SCAMP4: variants seen among roughly 807,000 people sequenced by gnomAD.
SCAMP4 encodes the protein secretory carrier membrane protein 4.
SCAMP4 carries 19 observed loss-of-function variants against 32.1 expected under a neutral mutation model. The observed-to-expected ratio is 0.59, with a 90% CI of 0.41 to 0.87. The LOEUF is 0.87. Among genes scored for constraint, SCAMP4 ranks in the 40% least tolerant of loss-of-function variants. The probability of loss-of-function intolerance (pLI) is 0.00; values close to 1 mark genes in which losing one functional copy is unlikely to be tolerated. For synonymous variants in SCAMP4, 152 were observed against 132.7 expected (o/e 1.15, Z -1.00); for missense variants, 302 against 309.0 (o/e 0.98, Z 0.17).
intron 1 of SCAMP4, chr19:1,912,286 C>A (rs753381924): frequency 1.9e-6 from 3 of 1,576,922 alleles, no homozygotes; most frequent in Admixed American, 3.6e-5. Context: ...AAGGAGGTGT[C>A]GGCCCTGCAC....
chr19:1,922,778 G>GC (rs1391793042), intron 5 of SCAMP4: 1 of 1,076,420 alleles, frequency 9.3e-7, no homozygotes, highest in Non-Finnish European at 1.1e-6. Flanking sequence ...TGCACGCACA[G>GC]CCCACTGCTG....
At position 1,918,896 on chromosome 19, in the gene SCAMP4, A is replaced by G. The variant is rs781150464; in HGVS notation, c.301A>G (p.Ser101Gly). The stretch of plus-strand genomic sequence containing the variant: ...TTTTCTGTCCCTCCCCAGAGCCGAC[A>G]GCTCCTTTAATTTCATGGCGTTTTT... ...RPVYKAFRADSSFNFMAFFFI... is the reference protein window; with the variant it reads ...RPVYKAFRADGSFNFMAFFFI... Residue 101 changes from serine (S) to glycine (G), a missense_variant, in exon 5 of 7, where the codon AGC (serine) becomes GGC (glycine). By Grantham distance (56) the Ser-to-Gly change is moderately conservative. Coordinates refer to ENST00000316097, the MANE Select transcript of SCAMP4 (RefSeq NM_079834.4). 7 of 1,608,040 alleles carry G rather than the reference A, an allele frequency of 4.4e-6. No individual in the cohort carries two copies. In the Admixed American group the frequency reaches 5.1e-5, roughly 12 times the overall value.
intron 1 of SCAMP4, chr19:1,912,817 A>G: frequency 6.3e-7 from 1 of 1,587,730 alleles, no homozygotes; most frequent in Non-Finnish European, 8.5e-7. Context: ...CGCGGCACCT[A>G]CGACTTCAGA....
intron 1 of SCAMP4, among the ~76,000 whole-genome samples, chr19:1,911,191 A>T (rs2013426238): frequency 6.9e-6 from 1 of 144,960 alleles, no homozygotes; most frequent in Non-Finnish European, 1.5e-5. Flanking sequence ...TTTTTTTTTG[A>T]GATGGCATCT....
intron 1 of SCAMP4, chr19:1,913,203 C>T (rs1187890246): frequency 3.4e-6 from 5 of 1,461,346 alleles, no homozygotes; most frequent in African/African-American, 1.4e-5. Context: ...TGGGGCGCCC[C>T]TCCTGGACTT....
At chr19:1,906,866 T>TTTGTGTGTGTGTGTGTGTG (rs1555836654) in intron 1 of SCAMP4, 96 of 130,086 alleles carry the variant, frequency 7.4e-4, no homozygotes, top group African/African-American at 2.8e-3. Context: ...AAAAAAAAAA[T>TTTGTGTGTGTGTGTGTGTG]TGTGTGTGTG....
intron 1 of SCAMP4, among the ~76,000 whole-genome samples, chr19:1,910,575 C>CTT (rs11350651): frequency 2.7e-4 from 26 of 95,082 alleles, no homozygotes; most frequent in African/African-American, 6.5e-4. Context: ...TTTGAGGTGT[C>CTT]TTTTTTTTTT....
Position 1,925,572 on chromosome 19 carries a change from T to G in SCAMP4, c.*1288T>G, listed in dbSNP as rs1172080624. On this transcript the variant is annotated 3_prime_UTR_variant, in exon 7 of 7. Coordinates refer to ENST00000316097, the MANE Select transcript of SCAMP4 (RefSeq NM_079834.4). ...GTTGGGCCAAAAAGAAACTTTTCCT[T>G]CATCATTTCCTGCACTCGCTGACCA... is the stretch of plus-strand genomic sequence containing the variant. 6.5e-6 allele frequency: 1 copy of G among 153,010 alleles called. No individual in the cohort carries two copies. Among genetic ancestry groups the G allele is most frequent in the African/African-American group, 2.4e-5 (1 of 41,414 alleles). The allele number at this position is 153,010 out of a possible 1,614,324, so 9.5% of individuals were successfully genotyped here. A position where few individuals can be genotyped will look rare whatever the true frequency, so the allele number is the denominator to read the frequency against.
In SCAMP4 at chr19:1,918,202, T is replaced by G; in HGVS notation, c.212T>G (p.Phe71Cys). The G allele has an allele frequency of 6.2e-7, 1 of 1,612,412 alleles. No homozygotes were observed. The highest frequency in any genetic ancestry group is 1.1e-5 in the South Asian group (1 of 91,076). ...ATCGGCGGAGGCTCGGGGACCAACT[T>G]CGGCCTGGCCTTCGTGTGGCTGCTC... ...WWIGGGSGTN[F>C]GLAFVWLLLF... is the part of the protein sequence containing the mutation. The change falls in exon 4 of 7, where the codon TTC becomes TGC. Residue 71 changes from phenylalanine (F) to cysteine (C), a missense_variant. Coordinates refer to ENST00000316097, the MANE Select transcript of SCAMP4 (RefSeq NM_079834.4).
At chr19:1,920,215 C>G in intron 5 of SCAMP4, 1 of 983,764 alleles carries the variant, frequency 1.0e-6, no homozygotes, top group Non-Finnish European at 1.2e-6. Flanking sequence ...TCTCCCTTGT[C>G]CTTGGCACGG....
At chr19:1,923,224 C>T in intron 6 of SCAMP4, 37 bp downstream of exon 6, 2 of 1,504,090 alleles carry the variant, frequency 1.3e-6, no homozygotes, top group East Asian at 2.5e-5. Context: ...GCCCTTACCC[C>T]TTCTCCATGA....
chr19:1,921,675 A>G lies in SCAMP4; in HGVS notation c.396-1395A>G, dbSNP rs181584246. The G allele has an allele frequency of 4.8e-5, 47 of 985,426 alleles. No individual in the cohort carries two copies. The African/African-American group carries it at 7.7e-4, about 16-fold the overall frequency. 61.0% of individuals were successfully genotyped at this position (985,426 alleles called of 1,614,324 possible). A position where few individuals can be genotyped will look rare whatever the true frequency, so the allele number is the denominator to read the frequency against. On this transcript the variant is annotated intron_variant, in intron 5 of 6. Coordinates refer to ENST00000316097, the MANE Select transcript of SCAMP4 (RefSeq NM_079834.4). ...TAAAATTACATCCAAACAGAGGTTT[A>G]CTTTTTTAAAAAATAAAAGAGGCCA...
At chr19:1,907,606 A>T (rs1401226816) in intron 1 of SCAMP4, among the ~76,000 whole-genome samples, 22 of 152,030 alleles carry the variant, frequency 1.4e-4, no homozygotes, top group Non-Finnish European at 1.0e-4. Flanking sequence ...GGGCTTAGAT[A>T]AAGGCCTCCC....
At chr19:1,922,977 C>T (rs1169247437) in intron 5 of SCAMP4, 93 bp from the exon 6 acceptor site, 25 of 1,414,634 alleles carry the variant, frequency 1.8e-5, no homozygotes, top group Admixed American at 5.8e-5. Context: ...GTTGATTGGC[C>T]AGAGCTCTTT....
chr19:1,912,834 C>T, intron 1 of SCAMP4: 3 of 1,593,042 alleles, frequency 1.9e-6, no homozygotes, highest in Non-Finnish European at 2.6e-6. Flanking sequence ...CAGACCCTTC[C>T]CCGCCTGCTC....
At chr19:1,916,787 G>A (rs1244709940) in intron 2 of SCAMP4, among the ~76,000 whole-genome samples, 3 of 152,194 alleles carry the variant, frequency 2.0e-5, no homozygotes, top group Admixed American at 1.3e-4. Context: ...CTCCCAGTCG[G>A]TGGTGGTTTC....
At chr19:1,921,420 G>T (rs1414187835) in intron 5 of SCAMP4, 10 of 984,452 alleles carry the variant, frequency 1.0e-5, no homozygotes, top group Non-Finnish European at 1.2e-5. Context: ...CCACATGGCG[G>T]CAGCCAGGTA....
chr19:1,911,234 C>T (rs777738584), intron 1 of SCAMP4, among the ~76,000 whole-genome samples: 3 of 151,698 alleles, frequency 2.0e-5, no homozygotes, highest in Admixed American at 6.6e-5. Context: ...TACAGTGGCA[C>T]GATTGTAGCT....
At chr19:1,913,166 C>T (rs1385776502) in intron 1 of SCAMP4, 1 of 1,505,740 alleles carries the variant, frequency 6.6e-7, no homozygotes, top group East Asian at 2.5e-5. Context: ...CGCCCTCCTG[C>T]CTCCGGACCC....
Sources: gnomAD v4.1 joint callset for allele counts (sites outside exome capture counted in the v4.1 genomes callset) on GRCh38, gnomAD v4.1.1 for gene constraint, MANE v1.5 for transcripts, NCBI Gene and HGNC (gene_info 2026-07-23, HGNC 2026-07-21) for gene names.